Variants in CACNA1B observed in about 807,000 individuals in gnomAD.
CACNA1B encodes the protein voltage-dependent N-type calcium channel subunit alpha-1B.
A neutral mutation model predicts 247.2 loss-of-function variants in CACNA1B; 70 were observed. The ratio of observed to expected loss-of-function variants is 0.28; its 90% CI spans 0.23 to 0.35. The LOEUF (loss-of-function observed/expected upper bound fraction) is 0.35, where lower values mean the gene tolerates loss of function less well. Among genes scored for constraint, CACNA1B ranks in the 10% least tolerant of loss-of-function variants. CACNA1B has a pLI of 1.00. For missense variants in CACNA1B, 2,367 were observed against 3,197.4 expected (o/e 0.74, Z 6.26); for synonymous variants, 1,231 against 1,294.4 (o/e 0.95, Z 1.05).
At chr9:137,956,929 C>A in intron 9 of CACNA1B, 102 bp downstream of exon 9, 1 of 912,482 alleles carries the variant, frequency 1.1e-6, no homozygotes, top group Non-Finnish European at 1.8e-6. Context: ...GTGCTCTTGG[C>A]AGTGCCAGGC....
At chr9:137,878,935 C>T (rs1249604268) in intron 1 of CACNA1B, 119 bp from the exon 2 acceptor site, 4 of 630,580 alleles carry the variant, frequency 6.3e-6, no homozygotes, top group African/African-American at 5.5e-5. Context: ...GGCTCCGGAC[C>T]CAGTTGTCTC....
At chr9:138,060,294 G>A (rs1440675912) in intron 31 of CACNA1B, among the ~76,000 whole-genome samples, 2 of 152,206 alleles carry the variant, frequency 1.3e-5, no homozygotes, top group Non-Finnish European at 2.9e-5. Flanking sequence ...GGAAATCAAT[G>A]GCAGAAAATC....
rs544768101 is a variant in CACNA1B at position 138,058,400 on chromosome 9, G to T, written c.4308+150G>T. ...CAGGTCCTCCTTTCTCCTGCAGAGGGACCGGATTTGGCTGGTTGAGGCCTG... is the reference window on the plus strand; with the variant it reads ...CAGGTCCTCCTTTCTCCTGCAGAGGTACCGGATTTGGCTGGTTGAGGCCTG... On this transcript the variant is annotated intron_variant, in intron 28 of 46. Coordinates refer to ENST00000371372, the MANE Select transcript of CACNA1B (RefSeq NM_000718.4). This position sits in a 1 kb window ranked among gnomAD's most constrained non-coding sequence, Gnocchi z 4.7. 6.2e-5 allele frequency: 58 copies of T among 943,076 alleles called. No individual in the cohort carries two copies. The African/African-American group carries it at 8.1e-4, about 13-fold the overall frequency. 58.4% of individuals were successfully genotyped at this position (943,076 alleles called of 1,614,324 possible). A position where few individuals can be genotyped will look rare whatever the true frequency, so the allele number is the denominator to read the frequency against.
intron 3 of CACNA1B, among the ~76,000 whole-genome samples, chr9:137,901,029 G>A (rs971864046): frequency 7.0e-6 from 1 of 143,156 alleles, no homozygotes; most frequent in African/African-American, 2.6e-5. Context: ...GTGTCCGTGT[G>A]TCCGTGTCTG....
intron 11 of CACNA1B, among the ~76,000 whole-genome samples, chr9:137,972,889 C>G (rs182310560): frequency 1.2e-4 from 18 of 152,312 alleles, no homozygotes; most frequent in African/African-American, 4.1e-4. Flanking sequence ...ACTGCCTGTC[C>G]CAGCTCCTGA....
intron 10 of CACNA1B, among the ~76,000 whole-genome samples, chr9:137,966,933 G>T (rs940318955): frequency 6.6e-6 from 1 of 151,104 alleles, no homozygotes; most frequent in South Asian, 2.1e-4. Flanking sequence ...GGGACTATAG[G>T]TGTGCACCAC....
rs573069563 is a variant in CACNA1B at position 137,968,706 on chromosome 9, A to G, written c.1334-2677A>G. Among the ~76,000 whole-genome samples, 9 of 152,324 alleles carry G rather than the reference A, an allele frequency of 5.9e-5. No individual in the cohort carries two copies. The South Asian group carries it at 1.9e-3, about 32-fold the overall frequency. Reference sequence around the variant, plus strand: ...TTGGTCAGGGCCTGGCACAATTTGTACACATTTTTTGAACAAATGGGGGTT... The same window carrying G: ...TTGGTCAGGGCCTGGCACAATTTGTGCACATTTTTTGAACAAATGGGGGTT... On this transcript the variant is annotated intron_variant, in intron 10 of 46. Transcript: ENST00000371372.
At position 137,972,779 on chromosome 9, in the gene CACNA1B, G is replaced by A. The variant is rs114552605; in HGVS notation, c.1543+1187G>A. Among the ~76,000 whole-genome samples the A allele has an allele frequency of 3.0e-3, 454 of 152,252 alleles. 3 individuals carry two copies. The highest frequency in any genetic ancestry group is 0.01 in the African/African-American group (434 of 41,540). ...ACATTGAAATCTACGACTTCCGAAC[G>A]GGGAGATGGTGCGGAGGGGCAGAAG... On this transcript the variant is annotated intron_variant, in intron 11 of 46. Transcript: ENST00000371372.
chr9:138,120,692 G>A lies in CACNA1B; in HGVS notation c.6300G>A (p.Arg2100=), dbSNP rs1480854847. 9.9e-6 allele frequency: 15 copies of A among 1,516,820 alleles called. No homozygotes were observed. Among genetic ancestry groups the A allele is most frequent in the African/African-American group, 1.4e-5 (1 of 70,662 alleles). 94.0% of individuals were successfully genotyped at this position (1,516,820 alleles called of 1,614,324 possible). The stretch of plus-strand genomic sequence containing the variant: ...GAGAGGGGCCTACAGGCTGCCGGCG[G>A]GAACGAGAGCGCCGGCAGGAGCGGG... The part of the protein sequence containing the change: ...PPGEGPTGCR[R]ERERRQERGR... The change falls in exon 46 of 47, where the codon CGG becomes CGA. Residue 2100 remains arginine (R), a synonymous_variant. Coordinates refer to ENST00000371372, the MANE Select transcript of CACNA1B (RefSeq NM_000718.4).
intron 13 of CACNA1B, among the ~76,000 whole-genome samples, chr9:137,985,832 G>A (rs1357627138): frequency 6.6e-6 from 1 of 152,218 alleles, no homozygotes; most frequent in Non-Finnish European, 1.5e-5. Flanking sequence ...CCTCTGGGAT[G>A]GGAAGCGTTG....
intron 40 of CACNA1B, 73 bp from the exon 41 acceptor site, chr9:138,114,305 C>A: frequency 1.3e-6 from 1 of 776,606 alleles, no homozygotes; most frequent in Non-Finnish European, 2.2e-6. Context: ...GTTTCCTCAC[C>A]TTACTTCCAT....
At position 138,023,511 on chromosome 9, in the gene CACNA1B, C is replaced by A. The variant is rs1328829106; in HGVS notation, c.2768C>A (p.Ser923Tyr). Residue 923 changes from serine (S) to tyrosine (Y), a missense_variant, in exon 19 of 47, where the codon TCC becomes TAC. Around this residue, in one of 12 missense-constraint regions of CACNA1B, gnomAD observed 631 missense variants for 631.1 expected, o/e 1.00. Coordinates refer to ENST00000371372, the MANE Select transcript of CACNA1B (RefSeq NM_000718.4). ...EGGRRHHRRGSPEEAAEREPR... is the reference protein window; with the variant it reads ...EGGRRHHRRGYPEEAAEREPR... ...GGCCGGCGGCACCACCGGCGCGGCT[C>A]CCCGGAGGAGGCGGCCGAGCGGGAG... The A allele has an allele frequency of 2.8e-6, 3 of 1,078,640 alleles. No homozygotes were observed. The highest frequency in any genetic ancestry group is 3.6e-5 in the South Asian group (1 of 27,922). The allele number at this position is 1,078,640 out of a possible 1,614,324, so 66.8% of individuals were successfully genotyped here.
In CACNA1B at chr9:137,967,373, T is replaced by C. The variant is rs114940938; in HGVS notation, c.1334-4010T>C. Among the ~76,000 whole-genome samples, 1,407 of 152,330 alleles carry C rather than the reference T, an allele frequency of 9.2e-3. 24 individuals carry two copies. The highest frequency in any genetic ancestry group is 0.032 in the African/African-American group (1,324 of 41,556). On this transcript the variant is annotated intron_variant, in intron 10 of 46. Coordinates refer to ENST00000371372, the MANE Select transcript of CACNA1B (RefSeq NM_000718.4). ...GTTTGAGGGTGTTCACTTTTCATTC[T>C]TGACTGTCGCCCGTCCCTTCAGACT...
chr9:137,890,725 G>A (rs1431056550), intron 3 of CACNA1B: 1 of 149,946 alleles, frequency 6.7e-6, no homozygotes, highest in Non-Finnish European at 1.5e-5. Context: ...CCACCAGGAG[G>A]GTCAGTCGGA....
intron 39 of CACNA1B, among the ~76,000 whole-genome samples, chr9:138,111,875 C>G (rs1961647314): frequency 6.6e-6 from 1 of 152,110 alleles, no homozygotes; most frequent in African/African-American, 2.4e-5. Flanking sequence ...AGCCGCAGCC[C>G]TGCTGATATT....
chr9:137,982,128 A>G (rs1958301555), intron 12 of CACNA1B, among the ~76,000 whole-genome samples: 1 of 152,192 alleles, frequency 6.6e-6, no homozygotes, highest in Admixed American at 6.5e-5. Flanking sequence ...TTATTATTTC[A>G]CTGTTTCTGT....
In CACNA1B at chr9:137,967,377, CT is replaced by C. The variant is rs1248738794; in HGVS notation, c.1334-4005del. Among the ~76,000 whole-genome samples the C allele has an allele frequency of 2.0e-5, 3 of 152,228 alleles. No individual in the cohort carries two copies. In the East Asian group the frequency reaches 5.8e-4, roughly 29 times the overall value. The stretch of plus-strand genomic sequence containing the variant: ...GAGGGTGTTCACTTTTCATTCTTGA[CT>C]GTCGCCCGTCCCTTCAGACTGCCCC... On this transcript the variant is annotated intron_variant, in intron 10 of 46. Coordinates refer to ENST00000371372, the MANE Select transcript of CACNA1B (RefSeq NM_000718.4).
chr9:137,940,603 G>A (rs1420494864), intron 6 of CACNA1B, among the ~76,000 whole-genome samples: 3 of 152,038 alleles, frequency 2.0e-5, no homozygotes, highest in African/African-American at 7.2e-5. Context: ...AACCTGGAAA[G>A]GACATAACCA....
At chr9:138,041,624 ATGT>A (rs1959123883) in intron 20 of CACNA1B, among the ~76,000 whole-genome samples, 4 of 151,854 alleles carry the variant, frequency 2.6e-5, no homozygotes, top group Admixed American at 2.0e-4. Context: ...ATGATTTTCC[ATGT>A]TGTAGTAAAT....
Sources: allele counts gnomAD v4.1 joint callset (sites outside exome capture counted in the v4.1 genomes callset), GRCh38; gene constraint gnomAD v4.1.1; regional missense constraint gnomAD v4.1.1; non-coding constraint Gnocchi (gnomAD v3.1); transcripts MANE v1.5; gene names NCBI Gene and HGNC (gene_info 2026-07-23, HGNC 2026-07-21).